Variants in PTPRD observed in about 807,000 individuals in gnomAD.
The protein encoded by PTPRD is protein tyrosine phosphatase receptor type D, also known as receptor-type tyrosine-protein phosphatase delta.
In PTPRD, 34 loss-of-function variants were observed where a neutral mutation model predicts 214.5. The ratio of observed to expected loss-of-function variants is 0.16; its 90% CI spans 0.12 to 0.21. The LOEUF (loss-of-function observed/expected upper bound fraction) is 0.21, where lower values mean the gene tolerates loss of function less well. PTPRD is among the 10% of genes least tolerant of loss of function. The pLI is 1.00. For missense variants in PTPRD, 2,545 were observed against 2,398.7 expected (o/e 1.06, Z -1.27); for synonymous variants, 1,128 against 845.7 (o/e 1.33, Z -5.79).
intron 10 of PTPRD, among the ~76,000 whole-genome samples, chr9:9,107,256 C>A (rs904800479): frequency 3.3e-5 from 5 of 152,114 alleles, no homozygotes; most frequent in Admixed American, 3.3e-4. Flanking sequence ...TCTGAAGATA[C>A]TTGCTGCCAC....
intron 14 of PTPRD, among the ~76,000 whole-genome samples, chr9:8,564,586 C>T (rs557875357): frequency 5.5e-4 from 83 of 152,118 alleles, no homozygotes; most frequent in Admixed American, 5.2e-3. Context: ...CCTGTAATCC[C>T]GCTACTCAGG....
At chr9:9,896,136 T>C (rs548529593) in intron 5 of PTPRD, among the ~76,000 whole-genome samples, 2 of 152,144 alleles carry the variant, frequency 1.3e-5, no homozygotes, top group East Asian at 3.9e-4. Context: ...GGAGCTGAAG[T>C]CTTCTCTAAA....
intron 12 of PTPRD, among the ~76,000 whole-genome samples, chr9:8,732,307 T>G (rs538731299): frequency 6.6e-6 from 1 of 152,294 alleles, no homozygotes; most frequent in South Asian, 2.1e-4. Flanking sequence ...ATCTAGTAAC[T>G]TTAAGAAAAA....
rs75786459 is a variant in PTPRD, at chr9:9,803,865, G to C, written c.-367-37014C>G. ...TGTAATGAAATATCAGAAAGATCCT[G>C]ACATAGTAGTTTTACAATACACAAG... On this transcript the variant is annotated intron_variant, in intron 5 of 45. Transcript: ENST00000381196. The C allele has an allele frequency of 4.1e-3, 626 of 152,076 alleles. 6 individuals are homozygous for C. The highest frequency in any genetic ancestry group is 0.015 in the African/African-American group (603 of 41,526). The allele number at this position is 152,076 out of a possible 1,614,324, so 9.4% of individuals were successfully genotyped here. A position where few individuals can be genotyped will look rare whatever the true frequency, so the allele number is the denominator to read the frequency against.
At chr9:8,576,850 T>G (rs2092442825) in intron 14 of PTPRD, among the ~76,000 whole-genome samples, 1 of 152,142 alleles carries the variant, frequency 6.6e-6, no homozygotes, top group Non-Finnish European at 1.5e-5. Flanking sequence ...GTGACTCTCT[T>G]CCTTAGTGGC....
At chr9:8,768,599 C>A (rs7872872) in intron 11 of PTPRD, among the ~76,000 whole-genome samples, 7,017 of 152,052 alleles carry the variant, frequency 0.046, 402 homozygotes, top group African/African-American at 0.13. Flanking sequence ...AGTCATTAAA[C>A]CTTTAACTAC....
chr9:8,982,019 G>C (rs1173943721), intron 11 of PTPRD, among the ~76,000 whole-genome samples: 1 of 151,952 alleles, frequency 6.6e-6, no homozygotes, highest in Non-Finnish European at 1.5e-5. Context: ...GTTAAGGTAT[G>C]GGTAAGAAAA....
intron 8 of PTPRD, among the ~76,000 whole-genome samples, chr9:9,432,080 A>C (rs984117640): frequency 1.3e-5 from 2 of 148,796 alleles, no homozygotes; most frequent in Non-Finnish European, 3.0e-5. Context: ...TAATAATAAT[A>C]ATAATAATAA....
In PTPRD at chr9:8,341,926, T is replaced by G. The variant is rs369757080; in HGVS notation, c.4714A>C (p.Arg1572=). 7.0e-5 allele frequency: 113 copies of G among 1,612,956 alleles called. No homozygotes were observed. The highest frequency in any genetic ancestry group is 9.2e-5 in the Non-Finnish European group (108 of 1,179,546). Residue 1572 remains arginine (R), a synonymous_variant, in exon 40 of 46, where the codon AGA becomes CGA. Coordinates refer to ENST00000381196, the MANE Select transcript of PTPRD (RefSeq NM_002839.4). ...TCTACAGTTTTTTCATGCTTTATTC[T>G]TTCTAACATGGCATCTATGACGATG... ...CFIVIDAMLE[R]IKHEKTVDIY...
At chr9:10,323,275 C>T (rs1386385471) in intron 3 of PTPRD, among the ~76,000 whole-genome samples, 1 of 57,786 alleles carries the variant, frequency 1.7e-5, no homozygotes, top group African/African-American at 7.0e-5. Flanking sequence ...CTCCCCTCCC[C>T]TCCCCTCTCC....
At chr9:8,329,796 TTTG>T (rs1375167509) in intron 44 of PTPRD, among the ~76,000 whole-genome samples, 1 of 152,118 alleles carries the variant, frequency 6.6e-6, no homozygotes, top group Non-Finnish European at 1.5e-5. Flanking sequence ...TCCTGCTGGC[TTTG>T]TTTACACTGT....
chr9:9,179,782 G>A (rs1209005728), intron 10 of PTPRD, among the ~76,000 whole-genome samples: 1 of 151,864 alleles, frequency 6.6e-6, no homozygotes, highest in Non-Finnish European at 1.5e-5. Flanking sequence ...AATGAATGAG[G>A]TCTCTGAAGT....
At chr9:8,563,171 A>G (rs1165108197) in intron 14 of PTPRD, among the ~76,000 whole-genome samples, 1 of 152,210 alleles carries the variant, frequency 6.6e-6, no homozygotes, top group Non-Finnish European at 1.5e-5. Flanking sequence ...ATAAAAGTCT[A>G]CAATAAAAAT....
chr9:9,649,544 A>G (rs942804460), intron 7 of PTPRD, among the ~76,000 whole-genome samples: 3 of 152,184 alleles, frequency 2.0e-5, no homozygotes, highest in African/African-American at 7.2e-5. Context: ...ATATTATAAA[A>G]AGAAATAAAA....
intron 3 of PTPRD, among the ~76,000 whole-genome samples, chr9:10,117,766 A>C (rs1036423751): frequency 6.6e-6 from 1 of 151,930 alleles, no homozygotes; most frequent in Non-Finnish European, 1.5e-5. Flanking sequence ...TGGTGAAACA[A>C]TTCATGTCAG....
chr9:8,786,769 G>A (rs1031261128), intron 11 of PTPRD, among the ~76,000 whole-genome samples: 2 of 151,834 alleles, frequency 1.3e-5, no homozygotes, highest in African/African-American at 2.4e-5. Flanking sequence ...TGGGGGGGCG[G>A]GGGGCGAGGG....
chr9:8,964,127 T>A (rs1037692125), intron 11 of PTPRD, among the ~76,000 whole-genome samples: 1 of 150,044 alleles, frequency 6.7e-6, no homozygotes. Context: ...TCAGTAGAAT[T>A]GGTACTAGCT....
At chr9:9,288,976 C>T (rs1950336188) in intron 9 of PTPRD, among the ~76,000 whole-genome samples, 1 of 151,804 alleles carries the variant, frequency 6.6e-6, no homozygotes, top group Non-Finnish European at 1.5e-5. Context: ...TGTAGGCTCC[C>T]CAGCCCTGCC....
chr9:10,236,002 G>A (rs2099627700), intron 3 of PTPRD, among the ~76,000 whole-genome samples: 1 of 151,888 alleles, frequency 6.6e-6, no homozygotes, highest in Admixed American at 6.6e-5. Flanking sequence ...GGCGAGGAAA[G>A]CTGTGATGTA....
Sources: gnomAD v4.1 joint callset for allele counts (sites outside exome capture counted in the v4.1 genomes callset) on GRCh38, gnomAD v4.1.1 for gene constraint, MANE v1.5 for transcripts, NCBI Gene and HGNC (gene_info 2026-07-23, HGNC 2026-07-21) for gene names.